The following NRDC variants were observed in gnomAD, a reference collection of about 807,000 sequenced individuals.
NRDC encodes the protein nardilysin convertase.
A neutral mutation model predicts 147.1 loss-of-function variants in NRDC; 54 were observed. That is an observed-to-expected ratio of 0.37 (90% confidence interval 0.29 to 0.46). The LOEUF is 0.46. Ranked by LOEUF, NRDC falls within the 20% of genes least tolerant of loss-of-function variation. NRDC has a pLI of 1.00. For missense variants in NRDC, 1,082 were observed against 1,370.6 expected (o/e 0.79, Z 3.33); for synonymous variants, 440 against 482.1 (o/e 0.91, Z 1.14).
intron 15 of NRDC, 151 bp from the exon 16 acceptor site, chr1:51,810,555 C>A: frequency 1.6e-6 from 1 of 637,780 alleles, no homozygotes; most frequent in Non-Finnish European, 2.5e-6. Context: ...TACAAAGTCT[C>A]AACAGTGTTT....
intron 1 of NRDC, among the ~76,000 whole-genome samples, chr1:51,872,510 C>T (rs111513779): frequency 0.025 from 3,854 of 152,222 alleles, 113 homozygotes; most frequent in South Asian, 0.095. Flanking sequence ...TGAGACTAGC[C>T]TGGGCAACAG....
At chr1:51,791,491 G>A (rs1678652146) in intron 27 of NRDC, 87 bp downstream of exon 27, 3 of 1,074,918 alleles carry the variant, frequency 2.8e-6, no homozygotes, top group Non-Finnish European at 2.9e-6. Flanking sequence ...GCTTGGTCAG[G>A]GTTGCCCAAG....
At chr1:51,834,281 T>A in intron 3 of NRDC, 111 bp from the exon 4 acceptor site, 1 of 1,051,036 alleles carries the variant, frequency 9.5e-7, no homozygotes, top group Non-Finnish European at 1.4e-6. Context: ...GACCAACACA[T>A]CAAATGGTTA....
At chr1:51,793,869 G>C (rs1428074752) in intron 24 of NRDC, 1 of 152,394 alleles carries the variant, frequency 6.6e-6, no homozygotes, top group South Asian at 2.1e-4. Flanking sequence ...GTTAAAGCAG[G>C]CTATAGGCTA....
intron 9 of NRDC, among the ~76,000 whole-genome samples, chr1:51,818,438 G>A (rs2842588): frequency 0.072 from 11,035 of 152,246 alleles, 455 homozygotes; most frequent in Middle Eastern, 0.22. Context: ...GGAGACCCAT[G>A]GCTGAAATTC....
chr1:51,791,969 A>AG (rs1346620116), intron 26 of NRDC, 77 bp downstream of exon 26: 1 of 1,439,948 alleles, frequency 6.9e-7, no homozygotes, highest in African/African-American at 1.4e-5. Flanking sequence ...GCTGCTCAGT[A>AG]GGGATATCTG....
At position 51,878,604 on chromosome 1, in the gene NRDC, T is replaced by A. The variant is rs143204730; in HGVS notation, c.12A>T (p.Arg4Ser). The change falls in exon 1 of 31, where the codon AGA becomes AGT. Residue 4 changes from arginine (R) to serine (S), a missense_variant. This residue lies in a region of NRDC where 260 missense variants were observed against 253.2 expected (regional missense o/e 1.03). Transcript: ENST00000352171. ...TGGCACAGACTGCAGCAACAGTGACTCTCCTCAGCATTCACCACCAAGCTG... is the reference window on the plus strand; with the variant it reads ...TGGCACAGACTGCAGCAACAGTGACACTCCTCAGCATTCACCACCAAGCTG... MLR[R>S]VTVAAVCATR... 5.4e-5 allele frequency: 87 copies of A among 1,610,984 alleles called. 1 individual carries two copies. In the African/African-American group the frequency reaches 9.8e-4, roughly 18 times the overall value.
At chr1:51,803,474 CAA>C (rs56122829) in intron 20 of NRDC, among the ~76,000 whole-genome samples, 87,651 of 128,672 alleles carry the variant, frequency 0.68, 28,606 homozygotes, top group East Asian at 0.96. Flanking sequence ...GTATCTGTCT[CAA>C]AAAAAAAAAA....
At chr1:51,797,490 A>C (rs1678984183) in intron 22 of NRDC, among the ~76,000 whole-genome samples, 1 of 152,178 alleles carries the variant, frequency 6.6e-6, no homozygotes, top group Non-Finnish European at 1.5e-5. Flanking sequence ...TAAATCCTTT[A>C]ATGGTTCTCC....
chr1:51,818,689 A>G (rs1680078564), intron 9 of NRDC, among the ~76,000 whole-genome samples: 1 of 152,220 alleles, frequency 6.6e-6, no homozygotes, highest in South Asian at 2.1e-4. Context: ...CAGCAGCAGA[A>G]GCGTGTAACA....
intron 19 of NRDC, among the ~76,000 whole-genome samples, chr1:51,804,930 G>A (rs59159176): frequency 3.2e-5 from 4 of 125,584 alleles, no homozygotes; most frequent in Non-Finnish European, 5.1e-5. Flanking sequence ...ACACATTTCC[G>A]AAGTATCAAC....
At chr1:51,877,887 A>G (rs1468033451) in intron 1 of NRDC, 1 of 373,764 alleles carries the variant, frequency 2.7e-6, no homozygotes, top group Non-Finnish European at 3.9e-6. Flanking sequence ...AATATTTTGG[A>G]TAGTGATAAT....
chr1:51,840,549 T>G, intron 1 of NRDC, 35 bp from the exon 2 acceptor site: 1 of 1,453,040 alleles, frequency 6.9e-7, no homozygotes, highest in Non-Finnish European at 9.3e-7. Context: ...ACATTTTGAT[T>G]CAGCTGTTCT....
At chr1:51,847,149 T>C (rs1217575216) in intron 1 of NRDC, among the ~76,000 whole-genome samples, 1 of 152,114 alleles carries the variant, frequency 6.6e-6, no homozygotes, top group East Asian at 1.9e-4. Context: ...AGACACAGAG[T>C]GCTGATTGGT....
At chr1:51,822,092 A>G (rs1172132332) in intron 7 of NRDC, among the ~76,000 whole-genome samples, 1 of 151,724 alleles carries the variant, frequency 6.6e-6, no homozygotes, top group African/African-American at 2.4e-5. Flanking sequence ...CCTTTGATTC[A>G]CTTCTTATAT....
intron 1 of NRDC, among the ~76,000 whole-genome samples, chr1:51,854,926 T>TA (rs1682158650): frequency 1.3e-5 from 2 of 152,238 alleles, no homozygotes; most frequent in East Asian, 1.9e-4. Flanking sequence ...AACTGGGGAC[T>TA]GAACTCTGAC....
intron 1 of NRDC, among the ~76,000 whole-genome samples, chr1:51,870,331 G>C (rs966817632): frequency 1.3e-5 from 2 of 152,190 alleles, no homozygotes; most frequent in African/African-American, 4.8e-5. Flanking sequence ...CAACACAACT[G>C]ACACAATTAT....
intron 1 of NRDC, among the ~76,000 whole-genome samples, chr1:51,855,643 T>TA (rs562448011): frequency 1.5e-4 from 23 of 151,794 alleles, no homozygotes; most frequent in Admixed American, 7.2e-4. Flanking sequence ...AAAACCCTAT[T>TA]AAAAAATAAG....
intron 1 of NRDC, among the ~76,000 whole-genome samples, chr1:51,858,478 A>C (rs2124055352): frequency 6.6e-6 from 1 of 152,180 alleles, no homozygotes; most frequent in Admixed American, 6.5e-5. Flanking sequence ...CTTTAAAAAA[A>C]AAAAAAAAAA....
Sources: allele counts gnomAD v4.1 joint callset (sites outside exome capture counted in the v4.1 genomes callset), GRCh38; gene constraint gnomAD v4.1.1; regional missense constraint gnomAD v4.1.1; transcripts MANE v1.5; gene names NCBI Gene and HGNC (gene_info 2026-07-23, HGNC 2026-07-21).